Variants in NUP205 observed in about 807,000 individuals in gnomAD.
NUP205 encodes nucleoporin 205, also known as nuclear pore complex protein Nup205.
A neutral mutation model predicts 253.8 loss-of-function variants in NUP205; 76 were observed. The ratio of observed to expected loss-of-function variants is 0.30; its 90% confidence interval spans 0.25 to 0.36. NUP205 has a LOEUF of 0.36. NUP205 is among the 10% of genes least tolerant of loss of function. The probability of loss-of-function intolerance (pLI) is 1.00; values close to 1 mark genes in which losing one functional copy is unlikely to be tolerated. For synonymous variants in NUP205, 832 were observed against 850.1 expected (o/e 0.98, Z 0.37); for missense variants, 2,162 against 2,425.5 (o/e 0.89, Z 2.28).
At chr7:135,645,164 C>A in intron 40 of NUP205, 146 bp downstream of exon 40, 1 of 944,252 alleles carries the variant, frequency 1.1e-6, no homozygotes, top group Non-Finnish European at 1.6e-6. Flanking sequence ...ATTTCCAAAT[C>A]ATAGTTTTTG....
intron 8 of NUP205, among the ~76,000 whole-genome samples, chr7:135,587,186 G>A (rs951267026): frequency 6.6e-6 from 1 of 152,094 alleles, no homozygotes; most frequent in Non-Finnish European, 1.5e-5. Flanking sequence ...AGTGGGGCCA[G>A]TTTTGCTTGT....
At chr7:135,603,574 A>G (rs1046292444) in intron 18 of NUP205, among the ~76,000 whole-genome samples, 6 of 151,218 alleles carry the variant, frequency 4.0e-5, no homozygotes, top group African/African-American at 1.2e-4. Context: ...CGGTGGTACA[A>G]TCTTGGCTCA....
intron 42 of NUP205, among the ~76,000 whole-genome samples, chr7:135,647,359 A>G (rs2129492746): frequency 6.6e-6 from 1 of 152,354 alleles, no homozygotes; most frequent in African/African-American, 2.4e-5. Context: ...AGCTTGCTGG[A>G]TATCATGAAT....
intron 38 of NUP205, among the ~76,000 whole-genome samples, chr7:135,639,578 G>T (rs1254329903): frequency 6.6e-6 from 1 of 151,534 alleles, no homozygotes. Flanking sequence ...GTAATCCCAG[G>T]TACTCTGGAG....
At chr7:135,592,730 G>A (rs768678983) in intron 11 of NUP205, among the ~76,000 whole-genome samples, 2 of 152,060 alleles carry the variant, frequency 1.3e-5, no homozygotes, top group Admixed American at 6.6e-5. Flanking sequence ...TTACCAAAAA[G>A]ACAAAAATTA....
chr7:135,641,717 C>T (rs1270196957), intron 38 of NUP205, among the ~76,000 whole-genome samples: 3 of 151,340 alleles, frequency 2.0e-5, no homozygotes, highest in Non-Finnish European at 4.4e-5. Context: ...GGTGGATCAC[C>T]TGAGCCCAGG....
Position 135,618,588 on chromosome 7 carries a change from A to C in NUP205, c.3948A>C (p.Gln1316His). The change falls in exon 28 of 43, where the codon CAA becomes CAC. Residue 1316 changes from glutamine to histidine, a missense_variant. By Grantham distance (24) the Gln-to-His change is conservative. Coordinates refer to ENST00000285968, the MANE Select transcript of NUP205 (RefSeq NM_015135.3). ...DRQLIIRDIL[Q>H]DVHDKILDDE... ...AACTGATTATTCGTGATATTTTACA[A>C]GATGTGCATGATAAGGTGACGTACT... 6.2e-7 allele frequency: 1 copy of C among 1,603,172 alleles called. No homozygotes were observed. The highest frequency in any genetic ancestry group is 8.5e-7 in the Non-Finnish European group (1 of 1,174,380).
Position 135,557,973 on chromosome 7 carries a change from G to T in NUP205, c.28+1G>T. The T allele has an allele frequency of 6.2e-7, 1 of 1,612,864 alleles. No individual in the cohort carries two copies. Among genetic ancestry groups the T allele is most frequent in the Non-Finnish European group, 8.5e-7 (1 of 1,178,826 alleles). ...GCGACGCCTTTGGCGGTAAATTCGG[G>T]TAAGTGTGGCCAGACAGAAAGACGA... is the stretch of plus-strand genomic sequence containing the variant. On this transcript the variant is annotated splice_donor_variant, in intron 1 of 42. Transcript: ENST00000285968. LOFTEE classifies it high-confidence loss of function.
At position 135,593,071 on chromosome 7, in the gene NUP205, G is replaced by A. The variant is rs150514041; in HGVS notation, c.1709G>A (p.Arg570Gln). The change falls in exon 12 of 43, where the codon CGG (arginine) becomes CAG (glutamine). Residue 570 changes from arginine to glutamine, a missense_variant. Arg to Gln is a conservative substitution (Grantham distance 43, BLOSUM62 1). Coordinates refer to ENST00000285968, the MANE Select transcript of NUP205 (RefSeq NM_015135.3). Reference protein sequence around the residue: ...HSLMLYHEHLRKDLPSADSVQ... With the variant: ...HSLMLYHEHLQKDLPSADSVQ... Reference sequence around the variant, plus strand: ...TTGATGCTTTACCACGAACACCTTCGGAAGGATCTTCCAAGTGCAGATAGT... The same window carrying A: ...TTGATGCTTTACCACGAACACCTTCAGAAGGATCTTCCAAGTGCAGATAGT... 9 of 1,613,928 alleles carry A rather than the reference G, an allele frequency of 5.6e-6. No homozygotes were observed. Among genetic ancestry groups the A allele is most frequent in the Admixed American group, 1.7e-5 (1 of 59,996 alleles).
chr7:135,608,216 G>C (rs1486400533), intron 22 of NUP205, among the ~76,000 whole-genome samples: 1 of 151,890 alleles, frequency 6.6e-6, no homozygotes, highest in Admixed American at 6.6e-5. Flanking sequence ...AGTAGAGACA[G>C]GGTTTCATCA....
At chr7:135,587,244 G>T (rs983933197) in intron 8 of NUP205, among the ~76,000 whole-genome samples, 5 of 152,058 alleles carry the variant, frequency 3.3e-5, no homozygotes, top group African/African-American at 7.2e-5. Context: ...TAGTTCCAAG[G>T]ATGCTAAATG....
chr7:135,637,745 A>G (rs1794836575), intron 36 of NUP205, among the ~76,000 whole-genome samples, 186 bp from the exon 37 acceptor site: 2 of 152,240 alleles, frequency 1.3e-5, no homozygotes. Context: ...GTTAGCTACC[A>G]ATCAAATACC....
rs1450380302 is a variant in NUP205 at position 135,587,593 on chromosome 7, C to A, written c.1237C>A (p.Arg413=). 2 of 1,600,264 alleles carry A rather than the reference C, an allele frequency of 1.2e-6. No individual in the cohort carries two copies. Among genetic ancestry groups the A allele is most frequent in the Non-Finnish European group, 1.7e-6 (2 of 1,173,556 alleles). ...MPMKVKQLRN[R]ADEDARMIHM... is the part of the protein sequence containing the mutation. ...TTAATAGGTGAAACAGCTGAGGAAT[C>A]GGGCAGATGAAGATGCTCGAATGAT... Residue 413 remains arginine, a synonymous_variant, in exon 9 of 43, where the codon CGG becomes AGG. Transcript: ENST00000285968.
At chr7:135,570,672 AAT>A (rs1332339941) in intron 1 of NUP205, among the ~76,000 whole-genome samples, 6 of 116,576 alleles carry the variant, frequency 5.1e-5, no homozygotes, top group Non-Finnish European at 9.9e-5. Flanking sequence ...TAATATAATT[AAT>A]ATATATTAAT....
At chr7:135,582,780 A>C (rs1293965937) in intron 7 of NUP205, among the ~76,000 whole-genome samples, 2 of 152,056 alleles carry the variant, frequency 1.3e-5, no homozygotes, top group African/African-American at 4.8e-5. Flanking sequence ...ACTTTATTTC[A>C]AAATACGAAA....
At chr7:135,629,300 A>G (rs897240376) in intron 34 of NUP205, among the ~76,000 whole-genome samples, 3 of 152,200 alleles carry the variant, frequency 2.0e-5, no homozygotes, top group Non-Finnish European at 2.9e-5. Context: ...GTGGAAGGGT[A>G]GAGCTGGGAG....
chr7:135,623,259 G>T (rs1270721908), intron 31 of NUP205, among the ~76,000 whole-genome samples: 1 of 152,080 alleles, frequency 6.6e-6, no homozygotes, highest in Non-Finnish European at 1.5e-5. Flanking sequence ...CTCCAGCCTG[G>T]GCTGCAGAGT....
At chr7:135,559,949 C>T (rs1030403713) in intron 1 of NUP205, among the ~76,000 whole-genome samples, 2 of 152,074 alleles carry the variant, frequency 1.3e-5, no homozygotes, top group Non-Finnish European at 2.9e-5. Flanking sequence ...ACGTCCGCCT[C>T]CTGGGTTCAA....
At position 135,619,489 on chromosome 7, in the gene NUP205, G is replaced by A; in HGVS notation, c.4030G>A (p.Ala1344Thr). ...CGCCGGGGCAGTGTTCACACTGACT[G>A]CTCACCTAAGCCAGGCCGTCCTCAC... ...VVAGAVFTLTAHLSQAVLTEQ... is the reference protein window; with the variant it reads ...VVAGAVFTLTTHLSQAVLTEQ... Residue 1344 changes from alanine (A) to threonine (T), a missense_variant, in exon 29 of 43, where the codon GCT becomes ACT. By Grantham distance (58) the Ala-to-Thr change is moderately conservative. Around this residue, in one of 5 missense-constraint regions of NUP205, gnomAD observed 1,144 missense variants for 1,280.9 expected, o/e 0.89. Transcript: ENST00000285968. 1 of 1,613,966 alleles carries A rather than the reference G, an allele frequency of 6.2e-7. No homozygotes were observed. Among genetic ancestry groups the A allele is most frequent in the Non-Finnish European group, 8.5e-7 (1 of 1,180,008 alleles).
Sources: allele counts gnomAD v4.1 joint callset (sites outside exome capture counted in the v4.1 genomes callset), GRCh38; gene constraint gnomAD v4.1.1; regional missense constraint gnomAD v4.1.1; transcripts MANE v1.5; gene names NCBI Gene and HGNC (gene_info 2026-07-23, HGNC 2026-07-21).